The following UNC5C variants were observed in gnomAD, a reference collection of about 807,000 sequenced individuals.
The protein encoded by UNC5C is unc-5 netrin receptor C.
In UNC5C, 47 loss-of-function variants were observed where a neutral mutation model predicts 99.8. That is an observed-to-expected ratio of 0.47 (90% CI 0.37 to 0.60). The LOEUF is 0.60. Among genes scored for constraint, UNC5C ranks in the 20% least tolerant of loss-of-function variants. UNC5C has a pLI of 0.00. For missense variants in UNC5C, 1,062 were observed against 1,165.9 expected, an observed-to-expected ratio of 0.91 and a Z score of 1.30; for synonymous variants, 487 against 452.2, an observed-to-expected ratio of 1.08 and a Z score of -0.98.
chr4:95,206,866 G>T, intron 10 of UNC5C, 70 bp from the exon 11 acceptor site: 1 of 1,230,432 alleles, frequency 8.1e-7, no homozygotes, highest in Non-Finnish European at 1.1e-6. Flanking sequence ...CTTGGGTTCT[G>T]AAGGCAAACA....
At position 95,242,551 on chromosome 4, in the gene UNC5C, C is replaced by A; in HGVS notation, c.986G>T (p.Gly329Val). The A allele has an allele frequency of 6.2e-7, 1 of 1,607,910 alleles. No individual in the cohort carries two copies. Among genetic ancestry groups the A allele is most frequent in the Non-Finnish European group, 8.5e-7 (1 of 1,176,952 alleles). ...CCTGCGCCAGTGGGTGCACTCAGTT[C>A]CACAAGTAGACCACTTGCTCCATGG... is the stretch of plus-strand genomic sequence containing the variant. ...WTPWSKWSTC[G>V]TECTHWRRRE... Residue 329 changes from glycine to valine, a missense_variant, in exon 7 of 16, where the codon GGA becomes GTA. Physicochemically the swap from Gly to Val is moderately radical, Grantham distance 109 (BLOSUM62 -3). Coordinates refer to ENST00000453304, the MANE Select transcript of UNC5C (RefSeq NM_003728.4).
intron 1 of UNC5C, among the ~76,000 whole-genome samples, chr4:95,479,455 T>C (rs536292926): frequency 2.6e-4 from 39 of 151,964 alleles, no homozygotes; most frequent in Non-Finnish European, 4.7e-4. Flanking sequence ...GATTGAGATC[T>C]TGTAGTATAA....
At chr4:95,170,133 T>G in intron 15 of UNC5C, 21 bp downstream of exon 15, 2 of 1,607,724 alleles carry the variant, frequency 1.2e-6, no homozygotes, top group African/African-American at 1.3e-5. Context: ...GAAGCTAGTC[T>G]TGGGGCCAGA....
At chr4:95,522,065 G>A (rs1217377916) in intron 1 of UNC5C, among the ~76,000 whole-genome samples, 1 of 151,874 alleles carries the variant, frequency 6.6e-6, no homozygotes, top group Non-Finnish European at 1.5e-5. Context: ...ATTGTATATA[G>A]TAAATCGTAT....
In UNC5C at chr4:95,302,390, A is replaced by C. The variant is rs2149404414; in HGVS notation, c.347-641T>G. On this transcript the variant is annotated intron_variant, in intron 2 of 15. Transcript: ENST00000453304. ...TTAAAGGTAAAGTAGCCTCCTGCTAAAATGCTCAAATAATTGGAATTTATT... is the reference window on the plus strand; with the variant it reads ...TTAAAGGTAAAGTAGCCTCCTGCTACAATGCTCAAATAATTGGAATTTATT... 2.0e-5 allele frequency among the ~76,000 whole-genome samples: 3 copies of C among 152,382 alleles called. No individual in the cohort carries two copies. The Middle Eastern group carries it at 0.01, about 518-fold the overall frequency.
At chr4:95,180,243 C>CCTAT (rs765220465) in intron 14 of UNC5C, among the ~76,000 whole-genome samples, 1 of 152,152 alleles carries the variant, frequency 6.6e-6, no homozygotes, top group Non-Finnish European at 1.5e-5. Flanking sequence ...AGTAATTGGC[C>CCTAT]CTATCTATCT....
chr4:95,511,457 T>C, intron 1 of UNC5C, among the ~76,000 whole-genome samples: 1 of 152,224 alleles, frequency 6.6e-6, no homozygotes, highest in South Asian at 2.1e-4. Flanking sequence ...GCCATTAGTA[T>C]TAAAAGTGTT....
chr4:95,378,843 G>C (rs1214461035), intron 1 of UNC5C, among the ~76,000 whole-genome samples: 1 of 152,112 alleles, frequency 6.6e-6, no homozygotes, highest in Non-Finnish European at 1.5e-5. Context: ...AGAAGTAGTT[G>C]ATTTACTACT....
chr4:95,288,809 G>A (rs1741337709), intron 3 of UNC5C, among the ~76,000 whole-genome samples: 1 of 152,114 alleles, frequency 6.6e-6, no homozygotes, highest in Non-Finnish European at 1.5e-5. Flanking sequence ...CTCTTACAAG[G>A]CATTTGTGAT....
intron 4 of UNC5C, among the ~76,000 whole-genome samples, chr4:95,255,369 C>T (rs558390783): frequency 6.6e-6 from 1 of 152,192 alleles, no homozygotes; most frequent in African/African-American, 2.4e-5. Context: ...CACAAGTGGG[C>T]CTTTATTTCT....
At chr4:95,306,629 A>G (rs1013056107) in intron 2 of UNC5C, among the ~76,000 whole-genome samples, 1 of 152,228 alleles carries the variant, frequency 6.6e-6, no homozygotes, top group Admixed American at 6.5e-5. Context: ...TTCTTTCAAA[A>G]GTATCCTAAC....
At chr4:95,194,308 C>G (rs1314418006) in intron 12 of UNC5C, among the ~76,000 whole-genome samples, 1 of 152,192 alleles carries the variant, frequency 6.6e-6, no homozygotes, top group East Asian at 1.9e-4. Flanking sequence ...TGTTTCTTTT[C>G]TCCTGTTAAC....
At chr4:95,208,586 G>A (rs1452725270) in intron 10 of UNC5C, among the ~76,000 whole-genome samples, 2 of 152,192 alleles carry the variant, frequency 1.3e-5, no homozygotes, top group Non-Finnish European at 1.5e-5. Context: ...TGCCATTTAT[G>A]TTCTCATTCT....
chr4:95,218,899 C>CA (rs768716465), intron 9 of UNC5C, 70 bp downstream of exon 9: 95 of 1,464,862 alleles, frequency 6.5e-5, no homozygotes, highest in Non-Finnish European at 8.1e-5. Context: ...ATCCCACGAA[C>CA]AAAAAAGATT....
Position 95,545,925 on chromosome 4 carries a change from C to T in UNC5C, c.124+2809G>A, listed in dbSNP as rs866662629. ...CCAGAAAGGAGAAAGTTGTTGCCTA[C>T]AGCCTAGAGAATTTCCCAAGGACCT... On this transcript the variant is annotated intron_variant, in intron 1 of 15. Coordinates refer to ENST00000453304, the MANE Select transcript of UNC5C (RefSeq NM_003728.4). 5.9e-5 allele frequency among the ~76,000 whole-genome samples: 9 copies of T among 152,304 alleles called. 1 individual carries two copies. In the South Asian group the frequency reaches 8.3e-4, roughly 14 times the overall value.
intron 7 of UNC5C, among the ~76,000 whole-genome samples, chr4:95,238,252 A>T (rs1739198999): frequency 6.6e-6 from 1 of 151,964 alleles, no homozygotes; most frequent in African/African-American, 2.4e-5. Context: ...CTTTATTTCC[A>T]CCATCTCATT....
intron 1 of UNC5C, among the ~76,000 whole-genome samples, chr4:95,410,557 T>G (rs1412701868): frequency 1.3e-5 from 2 of 152,140 alleles, no homozygotes; most frequent in Non-Finnish European, 2.9e-5. Context: ...GACTCAGAGC[T>G]GAAGTGCAGG....
intron 1 of UNC5C, among the ~76,000 whole-genome samples, chr4:95,537,851 T>TG (rs1400042281): frequency 1.3e-5 from 2 of 152,050 alleles, no homozygotes; most frequent in Non-Finnish European, 1.5e-5. Context: ...GTGTTTGGGG[T>TG]GGGGGGAGCG....
chr4:95,235,010 T>A (rs1739057914), intron 7 of UNC5C, among the ~76,000 whole-genome samples: 1 of 152,180 alleles, frequency 6.6e-6, no homozygotes, highest in Non-Finnish European at 1.5e-5. Context: ...AACTGGGAAA[T>A]AATGTAAAAC....
Sources: gnomAD v4.1 joint callset for allele counts (sites outside exome capture counted in the v4.1 genomes callset) on GRCh38, gnomAD v4.1.1 for gene constraint, MANE v1.5 for transcripts, NCBI Gene and HGNC (gene_info 2026-07-23, HGNC 2026-07-21) for gene names.